ZNF7: variants seen among roughly 807,000 people sequenced by gnomAD.
The protein encoded by ZNF7 is C2-H2 type zinc finger protein.
ZNF7 carries 10 observed loss-of-function variants against 12.0 expected under a neutral mutation model. That is an observed-to-expected ratio of 0.83 (90% CI 0.51 to 1.42). The LOEUF (loss-of-function observed/expected upper bound fraction) is 1.42. ZNF7 is among the 40% of genes most tolerant of loss of function. The pLI is 0.00. For missense variants in ZNF7, 854 were observed against 837.2 expected (o/e 1.02, Z -0.25); for synonymous variants, 334 against 295.0 (o/e 1.13, Z -1.35).
rs1299430930 is a variant in ZNF7 at position 144,827,588 on chromosome 8, C to T, written c.-67C>T. 1.0e-6 allele frequency: 1 copy of T among 985,738 alleles called. No individual in the cohort carries two copies. Among genetic ancestry groups the T allele is most frequent in the South Asian group, 4.7e-5 (1 of 21,312 alleles). 61.1% of individuals were successfully genotyped at this position (985,738 alleles called of 1,614,324 possible). On this transcript the variant is annotated 5_prime_UTR_variant, in exon 1 of 5. Coordinates refer to ENST00000532777, the MANE Select transcript of ZNF7 (RefSeq NM_003416.4). The stretch of plus-strand genomic sequence containing the variant: ...TCCGGCGGCGTCGCGCGTTTGCGAG[C>T]CTCGGGTGGTCCTCAGGGAGGGTGA...
At chr8:144,841,201 A>G (rs1219542963) in intron 4 of ZNF7, 154 bp from the exon 5 acceptor site, 5 of 749,958 alleles carry the variant, frequency 6.7e-6, no homozygotes, top group Non-Finnish European at 8.8e-6. Flanking sequence ...AGAACTGTCA[A>G]AGGCTCTGCC....
At position 144,843,587 on chromosome 8, in the gene ZNF7, C is replaced by CAAAA. The variant is rs10544649; in HGVS notation, c.*439_*442dup. The CAAAA allele has an allele frequency of 6.4e-5, 6 of 93,626 alleles. No homozygotes were observed. In the East Asian group the frequency reaches 1.5e-3, roughly 24 times the overall value. 5.8% of individuals were successfully genotyped at this position (93,626 alleles called of 1,614,324 possible). ...TGGGTGACAGAGTGAGACTCCCTCTCAAAAAAAAAAAAAAAAAAAAAAATC... is the reference window on the plus strand; with the variant it reads ...TGGGTGACAGAGTGAGACTCCCTCTCAAAAAAAAAAAAAAAAAAAAAAAAAAATC... On this transcript the variant is annotated 3_prime_UTR_variant, in exon 5 of 5. Coordinates refer to ENST00000532777, the MANE Select transcript of ZNF7 (RefSeq NM_003416.4).
chr8:144,829,725 G>A, intron 3 of ZNF7, 121 bp downstream of exon 3: 2 of 1,332,142 alleles, frequency 1.5e-6, no homozygotes, highest in Non-Finnish European at 2.0e-6. Context: ...CTCCACAGGG[G>A]GCTTGGACTC....
intron 3 of ZNF7, chr8:144,833,747 C>T (rs763846702): frequency 3.3e-5 from 5 of 151,608 alleles, no homozygotes; most frequent in Non-Finnish European, 5.9e-5. Flanking sequence ...TTTCTTAATA[C>T]TACAAGAATA....
chr8:144,837,479 G>A lies in ZNF7; in HGVS notation c.219G>A (p.Gly73=), dbSNP rs200255992. ...PWVLDLQGAE[G]TEAPRTSKTD... Reference sequence around the variant, plus strand: ...TCCTCGACCTGCAGGGAGCAGAGGGGACAGAGGCACCAAGGACCTCCAAGA... The same window carrying A: ...TCCTCGACCTGCAGGGAGCAGAGGGAACAGAGGCACCAAGGACCTCCAAGA... Residue 73 remains glycine, a synonymous_variant, in exon 4 of 5, where the codon GGG becomes GGA. Coordinates refer to ENST00000532777, the MANE Select transcript of ZNF7 (RefSeq NM_003416.4). 6.5e-5 allele frequency: 104 copies of A among 1,611,468 alleles called. 1 individual carries two copies. The East Asian group carries it at 1.7e-3, about 26-fold the overall frequency.
At chr8:144,835,205 T>C (rs1230122617) in intron 3 of ZNF7, 1 of 146,884 alleles carries the variant, frequency 6.8e-6, no homozygotes, top group Non-Finnish European at 1.5e-5. Flanking sequence ...TATATTTTCT[T>C]TTTTTTTTTT....
downstream of ZNF7, among the ~76,000 whole-genome samples, chr8:144,844,869 G>A (rs1358287527): frequency 6.6e-6 from 1 of 151,978 alleles, no homozygotes; most frequent in African/African-American, 2.4e-5. Flanking sequence ...TGGGGTGAGA[G>A]TGGGTTAGGA....
chr8:144,829,713 G>T, intron 3 of ZNF7, 109 bp downstream of exon 3: 1 of 1,403,772 alleles, frequency 7.1e-7, no homozygotes. Context: ...GACCCTTGTG[G>T]GCTCCACAGG....
chr8:144,834,810 G>A (rs1359348916), intron 3 of ZNF7: 3 of 149,264 alleles, frequency 2.0e-5, no homozygotes, highest in South Asian at 2.1e-4. Flanking sequence ...GCGTGATCTC[G>A]GCTCACTGCA....
chr8:144,842,910 AAT>A lies in ZNF7; in HGVS notation c.1805_1806del (p.Ile602ThrfsTer3), dbSNP rs1254977519. On this transcript the variant is annotated frameshift_variant, in exon 5 of 5. Transcript: ENST00000532777. LOFTEE classifies it low-confidence loss of function (END_TRUNC). ...RSSYLIEHQRIHTRAQWFYEY... is the reference protein window; with the variant it reads ...RSSYLIEHQRXHTRAQWFYEY... ...GCTCATATCTTATTGAACACCAGAGAATACACACTAGGGCCCAGTGGTTTTAC... is the reference window on the plus strand; with the variant it reads ...GCTCATATCTTATTGAACACCAGAGAACACACTAGGGCCCAGTGGTTTTAC... 6.2e-7 allele frequency: 1 copy of A among 1,614,084 alleles called. No individual in the cohort carries two copies. The highest frequency in any genetic ancestry group is 2.2e-5 in the East Asian group (1 of 44,900).
In ZNF7 at chr8:144,828,922, G is replaced by C. The variant is rs536491925; in HGVS notation, c.-45-121G>C. The C allele has an allele frequency of 1.1e-5, 14 of 1,320,276 alleles. No homozygotes were observed. The South Asian group carries it at 1.4e-4, about 13-fold the overall frequency. The allele number at this position is 1,320,276 out of a possible 1,614,324, so 81.8% of individuals were successfully genotyped here. On this transcript the variant is annotated intron_variant, in intron 1 of 4. Transcript: ENST00000532777. ...CATGGCTGCTTCAGCCCAGCCCCATGTCCCTGCTAGAGAAATCTGGGGCTG... is the reference window on the plus strand; with the variant it reads ...CATGGCTGCTTCAGCCCAGCCCCATCTCCCTGCTAGAGAAATCTGGGGCTG...
Position 144,833,450 on chromosome 8 carries a change from C to T in ZNF7, c.130+3846C>T, listed in dbSNP as rs142935616. On this transcript the variant is annotated intron_variant, in intron 3 of 4. Coordinates refer to ENST00000532777, the MANE Select transcript of ZNF7 (RefSeq NM_003416.4). ...GTGGTGCGATCTCGGCTCACTGCAA[C>T]CTCTGCCTCCCAGGTTCAAGCAATT... Among the ~76,000 whole-genome samples the T allele has an allele frequency of 1.9e-3, 289 of 152,126 alleles. 2 individuals are homozygous for T. The highest frequency in any genetic ancestry group is 3.4e-3 in the Non-Finnish European group (232 of 67,994).
intron 4 of ZNF7, chr8:144,838,229 A>G (rs1829316457): frequency 1.5e-6 from 1 of 679,622 alleles, no homozygotes; most frequent in African/African-American, 1.8e-5. Flanking sequence ...CCATCTCCTT[A>G]GAAGGACACC....
chr8:144,832,992 G>A (rs1828613756), intron 3 of ZNF7, among the ~76,000 whole-genome samples: 1 of 152,230 alleles, frequency 6.6e-6, no homozygotes, highest in East Asian at 1.9e-4. Context: ...GAGGTCAGGA[G>A]TTCGAGACCA....
At chr8:144,841,216 C>G in intron 4 of ZNF7, 139 bp from the exon 5 acceptor site, 1 of 834,200 alleles carries the variant, frequency 1.2e-6, no homozygotes, top group Non-Finnish European at 1.9e-6. Context: ...TCTGCCTTCT[C>G]TTGCACGTTT....
At chr8:144,829,440 C>T (rs1013833809) in intron 2 of ZNF7, 38 bp from the exon 3 acceptor site, 2 of 1,612,676 alleles carry the variant, frequency 1.2e-6, no homozygotes, top group African/African-American at 1.3e-5. Context: ...GGGGCTGGCA[C>T]CCAGGGATTC....
At position 144,837,381 on chromosome 8, in the gene ZNF7, G is replaced by A. The variant is rs768530510; in HGVS notation, c.131-10G>A. The A allele has an allele frequency of 7.1e-5, 113 of 1,598,968 alleles. No homozygotes were observed. The highest frequency in any genetic ancestry group is 1.1e-4 in the African/African-American group (8 of 74,712). On this transcript the variant is annotated splice_polypyrimidine_tract_variant and intron_variant, in intron 3 of 4. Transcript: ENST00000532777. ...TGCTGACACTGTTGTCTTCTCTGCC[G>A]CACACACAGCAGGATTCCTGGTTTT... is the stretch of plus-strand genomic sequence containing the variant.
chr8:144,829,122 A>G (rs763488705), intron 2 of ZNF7, 32 bp downstream of exon 2: 7 of 1,613,194 alleles, frequency 4.3e-6, no homozygotes, highest in Non-Finnish European at 5.9e-6. Context: ...TTCCCCTCGC[A>G]TGTCCTGTGA....
Position 144,842,843 on chromosome 8 carries a change from A to C in ZNF7, c.1736A>C (p.Lys579Thr). 2.5e-6 allele frequency: 4 copies of C among 1,614,176 alleles called. No homozygotes were observed. The highest frequency in any genetic ancestry group is 3.4e-6 in the Non-Finnish European group (4 of 1,180,018). The change falls in exon 5 of 5, where the codon AAG (lysine) becomes ACG (threonine). Residue 579 changes from lysine (K) to threonine (T), a missense_variant. Physicochemically the swap from Lys to Thr is moderately conservative, Grantham distance 78. Coordinates refer to ENST00000532777, the MANE Select transcript of ZNF7 (RefSeq NM_003416.4). The stretch of plus-strand genomic sequence containing the variant: ...CACCAGATAATTCATGCAGGGGTGA[A>C]GCCCTATGAGTGCAGTGAGTGTGGA... ...FQHQIIHAGV[K>T]PYECSECGKA...
Sources: gnomAD v4.1 joint callset for allele counts (sites outside exome capture counted in the v4.1 genomes callset) on GRCh38, gnomAD v4.1.1 for gene constraint, MANE v1.5 for transcripts, NCBI Gene and HGNC (gene_info 2026-07-23, HGNC 2026-07-21) for gene names.